The following GNAS-AS1 variants were observed in gnomAD, a reference collection of about 807,000 sequenced individuals.
The protein encoded by GNAS-AS1 is GNAS antisense RNA 1 (non-protein coding).
intron 4 of GNAS-AS1, among the ~76,000 whole-genome samples, chr20:58,829,298 C>T (rs927122067): frequency 1.9e-4 from 29 of 152,204 alleles, no homozygotes; most frequent in African/African-American, 7.0e-4. Context: ...TTTCTAAAAC[C>T]AACCACCTCC....
chr20:58,844,535 C>A (rs909265231), intron 2 of GNAS-AS1, among the ~76,000 whole-genome samples: 2 of 152,152 alleles, frequency 1.3e-5, no homozygotes, highest in Non-Finnish European at 2.9e-5. Flanking sequence ...GGTCAAGTGG[C>A]CTTAGGTCAG....
chr20:58,840,947 A>T lies in GNAS-AS1; in HGVS notation n.819+990T>A, dbSNP rs536634729. On this transcript the variant is annotated intron_variant and non_coding_transcript_variant, in intron 4 of 4. Transcript: ENST00000424094. The surrounding 1 kb of genome is among the most constrained non-coding windows in gnomAD (Gnocchi z 6.0). ...GCGGTGTGGGAGCAGCGCAGGTGGAAAGGAGGTGAGAAGGAAAGGCAGGTC... is the reference window on the plus strand; with the variant it reads ...GCGGTGTGGGAGCAGCGCAGGTGGATAGGAGGTGAGAAGGAAAGGCAGGTC... The T allele has an allele frequency of 5.8e-5, 91 of 1,565,768 alleles. No individual in the cohort carries two copies. The African/African-American group carries it at 6.2e-4, about 11-fold the overall frequency.
At chr20:58,845,822 G>A (rs960353742) in intron 2 of GNAS-AS1, among the ~76,000 whole-genome samples, 12 of 152,192 alleles carry the variant, frequency 7.9e-5, no homozygotes, top group African/African-American at 1.9e-4. Flanking sequence ...CCTGCAATGC[G>A]GGGCCACCAT....
chr20:58,847,844 GC>G (rs2085995075), intron 2 of GNAS-AS1, among the ~76,000 whole-genome samples: 2 of 152,168 alleles, frequency 1.3e-5, no homozygotes. Context: ...CTTGAGATAT[GC>G]CTTATGCTTT....
At chr20:58,849,904 C>A (rs1449333243) in intron 1 of GNAS-AS1, among the ~76,000 whole-genome samples, 1 of 152,192 alleles carries the variant, frequency 6.6e-6, no homozygotes, top group Non-Finnish European at 1.5e-5. Flanking sequence ...ACTTGCAGAA[C>A]AAAAAACTTT....
At chr20:58,820,943 AT>A (rs2085482474) in intron 4 of GNAS-AS1, among the ~76,000 whole-genome samples, 1 of 152,150 alleles carries the variant, frequency 6.6e-6, no homozygotes, top group Non-Finnish European at 1.5e-5. Flanking sequence ...ACCATATCAG[AT>A]CCCCTTCAGT....
At chr20:58,834,416 G>C (rs1341694356) in intron 4 of GNAS-AS1, 3 of 152,252 alleles carry the variant, frequency 2.0e-5, no homozygotes, top group African/African-American at 7.2e-5. Context: ...TCAACTGGCT[G>C]CAGGAAAGAA....
chr20:58,829,498 CT>C (rs2085540893), intron 4 of GNAS-AS1, among the ~76,000 whole-genome samples: 2 of 152,328 alleles, frequency 1.3e-5, no homozygotes, highest in Admixed American at 1.3e-4. Flanking sequence ...CCAGAGATCC[CT>C]GCCCAGCCCT....
chr20:58,821,793 AACTC>A (rs1341003547), intron 4 of GNAS-AS1, among the ~76,000 whole-genome samples: 3 of 152,106 alleles, frequency 2.0e-5, no homozygotes, highest in Non-Finnish European at 2.9e-5. Flanking sequence ...AGCAAGAGAG[AACTC>A]TGACCCACTA....
chr20:58,820,329 C>A (rs1396164433), intron 4 of GNAS-AS1, among the ~76,000 whole-genome samples: 1 of 152,240 alleles, frequency 6.6e-6, no homozygotes, highest in Non-Finnish European at 1.5e-5. Flanking sequence ...TGAGCCGAGC[C>A]TCTAGAAGCA....
rs2145450210 is a variant in GNAS-AS1, at chr20:58,822,831, C to T, written n.820-3576G>A. Among the ~76,000 whole-genome samples the T allele has an allele frequency of 3.3e-5, 5 of 152,250 alleles. No homozygotes were observed. In the South Asian group the frequency reaches 1.0e-3, roughly 32 times the overall value. On this transcript the variant is annotated intron_variant and non_coding_transcript_variant, in intron 4 of 4. Transcript: ENST00000424094. Reference sequence around the variant, plus strand: ...AGCAGGGTGCTGAGGTTAGCGCTCACATCTCTCTGATGCCACAACAGGGCC... The same window carrying T: ...AGCAGGGTGCTGAGGTTAGCGCTCATATCTCTCTGATGCCACAACAGGGCC...
intron 4 of GNAS-AS1, among the ~76,000 whole-genome samples, chr20:58,838,022 C>T (rs1324637709): frequency 6.6e-6 from 1 of 152,140 alleles, no homozygotes; most frequent in East Asian, 1.9e-4. Context: ...AGTGGTAGAG[C>T]CTCTTTTTTT....
intron 4 of GNAS-AS1, chr20:58,839,459 AG>A: frequency 2.5e-6 from 1 of 399,954 alleles, no homozygotes; most frequent in Non-Finnish European, 4.4e-6. Context: ...GAAACTGGGG[AG>A]GGGCACGACC....
At position 58,840,611 on chromosome 20, in the gene GNAS-AS1, C is replaced by T. The variant is rs751030899; in HGVS notation, n.819+1326G>A. On this transcript the variant is annotated intron_variant and non_coding_transcript_variant, in intron 4 of 4. Transcript: ENST00000424094. This position sits in a 1 kb window ranked among gnomAD's most constrained non-coding sequence, Gnocchi z 6.0. Reference sequence around the variant, plus strand: ...CCAGCGTCTGCACGCTCTCAAGTTGCGAAGCCCCGACGCCTCCCCAAGTCG... The same window carrying T: ...CCAGCGTCTGCACGCTCTCAAGTTGTGAAGCCCCGACGCCTCCCCAAGTCG... 17 of 1,608,786 alleles carry T rather than the reference C, an allele frequency of 1.1e-5. No individual in the cohort carries two copies. In the Admixed American group the frequency reaches 2.8e-4, roughly 27 times the overall value.
chr20:58,828,433 C>T (rs1237753366), intron 4 of GNAS-AS1, among the ~76,000 whole-genome samples: 1 of 152,192 alleles, frequency 6.6e-6, no homozygotes. Flanking sequence ...AGATTCTCTG[C>T]TTGGTGTAGT....
intron 4 of GNAS-AS1, among the ~76,000 whole-genome samples, chr20:58,819,585 A>G (rs564961948): frequency 6.6e-6 from 1 of 152,228 alleles, no homozygotes; most frequent in South Asian, 2.1e-4. Context: ...GATCTGAGAG[A>G]AGCCATCTGC....
chr20:58,837,607 T>G (rs2085612739), intron 4 of GNAS-AS1, among the ~76,000 whole-genome samples: 1 of 152,228 alleles, frequency 6.6e-6, no homozygotes, highest in African/African-American at 2.4e-5. Flanking sequence ...CACGCCTGGC[T>G]AATTTTTGTA....
intron 4 of GNAS-AS1, among the ~76,000 whole-genome samples, chr20:58,825,729 A>G (rs577813894): frequency 6.6e-6 from 1 of 152,332 alleles, no homozygotes. Flanking sequence ...TTGCGCTTAG[A>G]TGGTTTTAAC....
intron 2 of GNAS-AS1, among the ~76,000 whole-genome samples, chr20:58,847,637 G>A (rs6128445): frequency 2.0e-5 from 3 of 152,186 alleles, no homozygotes; most frequent in Admixed American, 2.0e-4. Flanking sequence ...CTGCAGAGAA[G>A]GCACTTCTGC....
Sources: allele counts gnomAD v4.1 joint callset (sites outside exome capture counted in the v4.1 genomes callset), GRCh38; gene constraint gnomAD v4.1.1; non-coding constraint Gnocchi (gnomAD v3.1); transcripts MANE v1.5; gene names NCBI Gene and HGNC (gene_info 2026-07-23, HGNC 2026-07-21).